Variants in WBP4 observed in about 807,000 individuals in gnomAD.
WBP4 encodes the protein WW domain-binding protein 4.
Under a neutral mutation model 55.4 loss-of-function variants are expected in WBP4, and 37 were observed. That is an observed-to-expected ratio of 0.67 (90% CI 0.51 to 0.88). The LOEUF is 0.88. WBP4 is among the 40% of genes least tolerant of loss of function. The probability of loss-of-function intolerance (pLI) is 0.00; values close to 1 mark genes in which losing one functional copy is unlikely to be tolerated. For missense variants in WBP4, 398 were observed against 420.8 expected, an observed-to-expected ratio of 0.95 and a Z score of 0.47; for synonymous variants, 142 against 140.2, an observed-to-expected ratio of 1.01 and a Z score of -0.09.
rs941572855 is a variant in WBP4 at position 41,072,764 on chromosome 13, T to G, written c.487-18T>G. ...ATGGTTATCCTTAGTTTATGCTGGG[T>G]TTTTTTCCTCCTATTAGACAGCAGT... On this transcript the variant is annotated intron_variant, in intron 6 of 9. Transcript: ENST00000379487. The G allele has an allele frequency of 6.2e-7, 1 of 1,607,652 alleles. No individual in the cohort carries two copies. Among genetic ancestry groups the G allele is most frequent in the Non-Finnish European group, 8.5e-7 (1 of 1,176,884 alleles).
chr13:41,079,670 T>G (rs947900896), intron 8 of WBP4, among the ~76,000 whole-genome samples: 1 of 152,014 alleles, frequency 6.6e-6, no homozygotes, highest in African/African-American at 2.4e-5. Context: ...CTCAGAGAAC[T>G]AAAAGCAGAA....
intron 2 of WBP4, 67 bp from the exon 3 acceptor site, chr13:41,064,949 A>G: frequency 7.4e-7 from 1 of 1,350,992 alleles, no homozygotes; most frequent in Non-Finnish European, 1.0e-6. Flanking sequence ...TGAGAAAATT[A>G]TGTTTACTAT....
At chr13:41,076,636 A>G (rs1878508118) in intron 8 of WBP4, among the ~76,000 whole-genome samples, 1 of 152,174 alleles carries the variant, frequency 6.6e-6, no homozygotes, top group Non-Finnish European at 1.5e-5. Context: ...GAACATAGAA[A>G]TTAAGACATA....
chr13:41,075,669 G>A (rs187152369), intron 7 of WBP4, among the ~76,000 whole-genome samples: 1 of 152,240 alleles, frequency 6.6e-6, no homozygotes, highest in African/African-American at 2.4e-5. Flanking sequence ...GCATAAGCCA[G>A]CACACTGGGG....
chr13:41,062,521 A>G (rs1335814700), intron 1 of WBP4, 123 bp from the exon 2 acceptor site: 6 of 871,424 alleles, frequency 6.9e-6, no homozygotes, highest in Non-Finnish European at 1.0e-5. Context: ...AAACGACTAT[A>G]CATAACAAGA....
intron 5 of WBP4, among the ~76,000 whole-genome samples, chr13:41,069,822 G>A (rs1177977740): frequency 6.7e-6 from 1 of 149,192 alleles, no homozygotes; most frequent in African/African-American, 2.5e-5. Flanking sequence ...AGTTTGCAGT[G>A]AGCCCAGATC....
chr13:41,071,785 G>A (rs1430027466), intron 6 of WBP4, among the ~76,000 whole-genome samples: 2 of 152,096 alleles, frequency 1.3e-5, no homozygotes, highest in Non-Finnish European at 2.9e-5. Context: ...GCTCATGCCT[G>A]TAATCCCAGC....
At chr13:41,070,904 C>T (rs1347425598) in intron 5 of WBP4, among the ~76,000 whole-genome samples, 1 of 152,144 alleles carries the variant, frequency 6.6e-6, no homozygotes, top group Non-Finnish European at 1.5e-5. Context: ...TCATAATTAC[C>T]TTTGGACTAT....
At position 41,065,220 on chromosome 13, in the gene WBP4, T is replaced by C; in HGVS notation, c.195T>C (p.Phe65=). The change falls in exon 4 of 10, where the codon TTT becomes TTC. Residue 65 remains phenylalanine, a synonymous_variant. Transcript: ENST00000379487. ...AAGAAGAAAAGGCATCAAAGGAGTT[T>C]GCTGCAATGGAGGCAGCTGCCCTGA... is the stretch of plus-strand genomic sequence containing the variant. ...AKEEEKASKE[F]AAMEAAALKA... 1.2e-6 allele frequency: 2 copies of C among 1,612,922 alleles called. No homozygotes were observed. Among genetic ancestry groups the C allele is most frequent in the East Asian group, 2.2e-5 (1 of 44,820 alleles).
At chr13:41,064,719 C>T (rs1877867546) in intron 2 of WBP4, among the ~76,000 whole-genome samples, 1 of 152,084 alleles carries the variant, frequency 6.6e-6, no homozygotes, top group African/African-American at 2.4e-5. Flanking sequence ...GTCCTCATTA[C>T]AATCATAGTC....
rs1877636918 is a variant in WBP4 at position 41,061,576 on chromosome 13, G to A, written c.-98G>A. Reference sequence around the variant, plus strand: ...GGTGTCTGGATCGGAGGGAGGTTCGGGTGGGCATCGGGCGGCTGGAAGAGC... The same window carrying A: ...GGTGTCTGGATCGGAGGGAGGTTCGAGTGGGCATCGGGCGGCTGGAAGAGC... On this transcript the variant is annotated 5_prime_UTR_variant, in exon 1 of 10. Coordinates refer to ENST00000379487, the MANE Select transcript of WBP4 (RefSeq NM_007187.5). The A allele has an allele frequency of 6.3e-7, 1 of 1,589,376 alleles. No homozygotes were observed. Among genetic ancestry groups the A allele is most frequent in the African/African-American group, 1.3e-5 (1 of 74,512 alleles).
At chr13:41,075,445 A>G (rs1457212329) in intron 7 of WBP4, among the ~76,000 whole-genome samples, 3 of 152,148 alleles carry the variant, frequency 2.0e-5, no homozygotes, top group Non-Finnish European at 4.4e-5. Flanking sequence ...GCAGTGGCAC[A>G]ATCATGATTC....
intron 8 of WBP4, 32 bp downstream of exon 8, chr13:41,076,269 ATTTTTTTTT>A (rs35695477): frequency 2.9e-5 from 20 of 678,772 alleles, no homozygotes; most frequent in Admixed American, 6.5e-5. Flanking sequence ...TTCACATCAA[ATTTTTTTTT>A]TTTTTTTTTT....
intron 5 of WBP4, among the ~76,000 whole-genome samples, chr13:41,070,575 C>T (rs940424885): frequency 2.6e-5 from 4 of 151,608 alleles, no homozygotes; most frequent in African/African-American, 7.3e-5. Flanking sequence ...GAATTAGATA[C>T]GTTGAATATG....
chr13:41,073,478 A>C (rs1474831264), intron 7 of WBP4, among the ~76,000 whole-genome samples: 3 of 150,116 alleles, frequency 2.0e-5, no homozygotes, highest in Admixed American at 6.7e-5. Context: ...GTGCCATTGC[A>C]CTCCAGCCTG....
intron 2 of WBP4, 26 bp downstream of exon 2, chr13:41,062,742 T>A: frequency 6.3e-7 from 1 of 1,589,366 alleles, no homozygotes; most frequent in Non-Finnish European, 8.6e-7. Flanking sequence ...TGTTAGAGAT[T>A]CTAATAATAA....
intron 7 of WBP4, among the ~76,000 whole-genome samples, chr13:41,074,655 T>C (rs1809756039): frequency 1.3e-5 from 2 of 152,190 alleles, no homozygotes; most frequent in African/African-American, 4.8e-5. Context: ...ATGTCATATG[T>C]CATAAAGTTC....
At chr13:41,082,034 A>G (rs1421489261) in intron 9 of WBP4, among the ~76,000 whole-genome samples, 1 of 152,148 alleles carries the variant, frequency 6.6e-6, no homozygotes, top group Non-Finnish European at 1.5e-5. Flanking sequence ...GTACTGTGAT[A>G]GGCTCTTTTT....
intron 2 of WBP4, 98 bp from the exon 3 acceptor site, chr13:41,064,918 A>AT (rs746520995): frequency 2.4e-5 from 27 of 1,143,428 alleles, no homozygotes; most frequent in African/African-American, 3.2e-5. Flanking sequence ...ATTCATTTTA[A>AT]TTTTAATTTT....
Sources: allele counts gnomAD v4.1 joint callset (sites outside exome capture counted in the v4.1 genomes callset), GRCh38; gene constraint gnomAD v4.1.1; transcripts MANE v1.5; gene names NCBI Gene and HGNC (gene_info 2026-07-23, HGNC 2026-07-21).